PPME1: variants seen among roughly 807,000 people sequenced by gnomAD.
PPME1 encodes the protein protein phosphatase methylesterase 1.
In PPME1, 17 loss-of-function variants were observed where a neutral mutation model predicts 56.9. The ratio of observed to expected loss-of-function variants is 0.30; its 90% CI spans 0.20 to 0.45. PPME1 has a LOEUF of 0.45. Ranked by LOEUF, PPME1 falls within the 20% of genes least tolerant of loss-of-function variation. The pLI, the probability that PPME1 is intolerant of heterozygous loss-of-function variation, is 1.00. For synonymous variants in PPME1, 122 were observed against 156.2 expected (o/e 0.78, Z 1.63); for missense variants, 357 against 483.2 (o/e 0.74, Z 2.45).
At chr11:74,176,973 C>G (rs1857415654) in intron 1 of PPME1, among the ~76,000 whole-genome samples, 1 of 151,964 alleles carries the variant, frequency 6.6e-6, no homozygotes, top group African/African-American at 2.4e-5. Context: ...CCAGGTAATC[C>G]ACCCACCTCA....
chr11:74,253,784 G>A lies in PPME1; in HGVS notation c.*274G>A, dbSNP rs764104300. ...GGTAGCTCCTGCCTGCTCTCCCTGC[G>A]TTGCCTAGGGTAAAGCCTCCAGATT... On this transcript the variant is annotated 3_prime_UTR_variant, in exon 14 of 14. Transcript: ENST00000328257. The A allele has an allele frequency of 9.0e-6, 5 of 557,064 alleles. No homozygotes were observed. Among genetic ancestry groups the A allele is most frequent in the South Asian group, 4.7e-5 (2 of 42,156 alleles). 34.5% of individuals were successfully genotyped at this position (557,064 alleles called of 1,614,324 possible).
intron 1 of PPME1, among the ~76,000 whole-genome samples, chr11:74,171,753 AGGTTGG>A (rs1857239979): frequency 6.6e-6 from 1 of 152,112 alleles, no homozygotes; most frequent in South Asian, 2.1e-4. Flanking sequence ...AATGAGGCAA[AGGTTGG>A]GGAAGCTGAG....
intron 13 of PPME1, chr11:74,252,545 G>A (rs1859730327): frequency 4.4e-6 from 2 of 454,736 alleles, no homozygotes; most frequent in African/African-American, 2.0e-5. Context: ...GGGTGATCCT[G>A]GAAGCTCTAG....
chr11:74,202,734 A>G (rs575489999), intron 1 of PPME1, among the ~76,000 whole-genome samples: 13 of 152,250 alleles, frequency 8.5e-5, no homozygotes, highest in Non-Finnish European at 1.3e-4. Flanking sequence ...TTTGTTTTAG[A>G]ATAATTTTAT....
chr11:74,189,337 T>C (rs1415318278), intron 1 of PPME1, among the ~76,000 whole-genome samples: 1 of 152,258 alleles, frequency 6.6e-6, no homozygotes, highest in Non-Finnish European at 1.5e-5. Context: ...TCACCCAGGC[T>C]GATGTGCAGT....
chr11:74,189,032 G>C (rs1319143264), intron 1 of PPME1, among the ~76,000 whole-genome samples: 1 of 152,058 alleles, frequency 6.6e-6, no homozygotes, highest in Non-Finnish European at 1.5e-5. Context: ...ATTTTCATTA[G>C]TCTCTGCTTT....
intron 1 of PPME1, among the ~76,000 whole-genome samples, chr11:74,182,994 C>CA (rs34350281): frequency 8.0e-4 from 103 of 129,526 alleles, no homozygotes; most frequent in African/African-American, 1.5e-3. Context: ...TTGTCTCTAC[C>CA]AAAAAAAAAA....
chr11:74,225,827 C>T (rs1187870683), intron 5 of PPME1, among the ~76,000 whole-genome samples: 1 of 152,174 alleles, frequency 6.6e-6, no homozygotes, highest in African/African-American at 2.4e-5. Flanking sequence ...AGACCTACTT[C>T]TAGCAGTGGA....
At chr11:74,200,791 T>TA (rs1858141235) in intron 1 of PPME1, among the ~76,000 whole-genome samples, 1 of 152,150 alleles carries the variant, frequency 6.6e-6, no homozygotes, top group Non-Finnish European at 1.5e-5. Flanking sequence ...AAATGGGAAT[T>TA]ACTCATTTGG....
At chr11:74,179,864 C>T (rs1857487411) in intron 1 of PPME1, among the ~76,000 whole-genome samples, 1 of 152,092 alleles carries the variant, frequency 6.6e-6, no homozygotes, top group Non-Finnish European at 1.5e-5. Flanking sequence ...AACAGTGGTG[C>T]CTTGATTTAA....
At chr11:74,175,269 G>A (rs1381326077) in intron 1 of PPME1, among the ~76,000 whole-genome samples, 2 of 152,104 alleles carry the variant, frequency 1.3e-5, no homozygotes, top group African/African-American at 2.4e-5. Context: ...TTGGGAGGCC[G>A]AGGCGGGTGG....
Position 74,203,834 on chromosome 11 carries a change from A to C in PPME1, c.195+13A>C. The C allele has an allele frequency of 6.4e-7, 1 of 1,570,666 alleles. No homozygotes were observed. The highest frequency in any genetic ancestry group is 8.7e-7 in the Non-Finnish European group (1 of 1,149,792). On this transcript the variant is annotated intron_variant, in intron 2 of 13. Transcript: ENST00000328257. ...AACTGGCAAGGATATATCCTTTGCA[A>C]AATGGCTTATTCTTTAGTGAGCTTA...
intron 3 of PPME1, among the ~76,000 whole-genome samples, chr11:74,210,054 C>T (rs910664144): frequency 2.6e-5 from 4 of 152,038 alleles, no homozygotes; most frequent in Admixed American, 1.3e-4. Flanking sequence ...AGAGCAAGAC[C>T]CCATCTCATT....
chr11:74,246,977 A>C (rs906634267), intron 10 of PPME1, 102 bp from the exon 11 acceptor site: 2 of 1,019,218 alleles, frequency 2.0e-6, no homozygotes, highest in Admixed American at 4.2e-5. Flanking sequence ...GATTGGTATA[A>C]ACATGAATGG....
In PPME1 at chr11:74,247,412, T is replaced by C. The variant is rs78087835; in HGVS notation, c.1009+289T>C. 693 of 356,874 alleles carry C rather than the reference T, an allele frequency of 1.9e-3. 7 individuals carry two copies. The highest frequency in any genetic ancestry group is 0.013 in the African/African-American group (619 of 46,856). The allele number at this position is 356,874 out of a possible 1,614,324, so 22.1% of individuals were successfully genotyped here. The stretch of plus-strand genomic sequence containing the variant: ...AATGAGGCAATGTGTTTAAAAATTA[T>C]AAAGTACTGTATAGGTGTATGATAC... On this transcript the variant is annotated intron_variant, in intron 11 of 13. Coordinates refer to ENST00000328257, the MANE Select transcript of PPME1 (RefSeq NM_016147.3).
At chr11:74,236,276 T>C (rs1371791655) in intron 8 of PPME1, among the ~76,000 whole-genome samples, 1 of 152,220 alleles carries the variant, frequency 6.6e-6, no homozygotes, top group Non-Finnish European at 1.5e-5. Flanking sequence ...ACCTTAGTGA[T>C]AGCAGCTGAG....
At position 74,223,188 on chromosome 11, in the gene PPME1, C is replaced by T. The variant is rs58613191; in HGVS notation, c.346+819C>T. ...GTTCCCACCTATGAGTGAGAATATG[C>T]GGTGTTTGGTTTTTTGTGCTTGCGA... On this transcript the variant is annotated intron_variant, in intron 4 of 13. Coordinates refer to ENST00000328257, the MANE Select transcript of PPME1 (RefSeq NM_016147.3). Among the ~76,000 whole-genome samples the T allele has an allele frequency of 9.5e-3, 1,438 of 150,668 alleles. 15 individuals are homozygous for T. The highest frequency in any genetic ancestry group is 0.033 in the African/African-American group (1,334 of 40,844).
rs530264299 is a variant in PPME1, at chr11:74,196,027, C to T, written c.102-7701C>T. Among the ~76,000 whole-genome samples the T allele has an allele frequency of 2.0e-5, 3 of 152,282 alleles. No homozygotes were observed. In the East Asian group the frequency reaches 5.8e-4, roughly 29 times the overall value. The stretch of plus-strand genomic sequence containing the variant: ...ACTATAAACAGTGTTTCTATAATGA[C>T]TAACAGGAAGTACTTACTAATAATC... On this transcript the variant is annotated intron_variant, in intron 1 of 13. Coordinates refer to ENST00000328257, the MANE Select transcript of PPME1 (RefSeq NM_016147.3).
rs141106829 is a variant in PPME1, at chr11:74,208,054, C to G, written c.288+3609C>G. On this transcript the variant is annotated intron_variant, in intron 3 of 13. Transcript: ENST00000328257. ...CAGGGTCCGGCATGGTGGCTCATGC[C>G]TGTAATCCCAGCACTTTGGGAGGCC... Among the ~76,000 whole-genome samples the G allele has an allele frequency of 2.8e-3, 425 of 152,256 alleles. 3 individuals are homozygous for G. The highest frequency in any genetic ancestry group is 9.0e-3 in the African/African-American group (374 of 41,546).
Sources: allele counts gnomAD v4.1 joint callset (sites outside exome capture counted in the v4.1 genomes callset), GRCh38; gene constraint gnomAD v4.1.1; transcripts MANE v1.5; gene names NCBI Gene and HGNC (gene_info 2026-07-23, HGNC 2026-07-21).